The following SYTL5 variants were observed in gnomAD, a reference collection of about 807,000 sequenced individuals.
The protein encoded by SYTL5 is synaptotagmin like 5.
A neutral mutation model predicts 55.9 loss-of-function variants in SYTL5; 34 were observed. The ratio of observed to expected loss-of-function variants is 0.61; its 90% CI spans 0.46 to 0.81. The LOEUF (loss-of-function observed/expected upper bound fraction) is 0.81. SYTL5 is among the 30% of genes least tolerant of loss of function. The pLI, the probability that SYTL5 is intolerant of heterozygous loss-of-function variation, is 0.00. For missense variants in SYTL5, 637 were observed against 546.7 expected (o/e 1.17, Z -1.65); for synonymous variants, 221 against 188.7 (o/e 1.17, Z -1.40).
rs369027550 is a variant in SYTL5, at chrX:38,035,837, G to C, written c.119+1829G>C. Among the ~76,000 whole-genome samples the C allele has an allele frequency of 2.7e-5, 3 of 110,836 alleles. No homozygotes were observed. In the East Asian group the frequency reaches 8.5e-4, roughly 32 times the overall value. ...TTGAACCCCAGAGGTGGAGGTTGCAGTAAGCCAAGATCACGCCACTGCACT... is the reference window on the plus strand; with the variant it reads ...TTGAACCCCAGAGGTGGAGGTTGCACTAAGCCAAGATCACGCCACTGCACT... On this transcript the variant is annotated intron_variant, in intron 2 of 16. Coordinates refer to ENST00000297875, the MANE Select transcript of SYTL5 (RefSeq NM_138780.3).
intron 6 of SYTL5, among the ~76,000 whole-genome samples, chrX:38,081,430 A>AC (rs1936528695): frequency 8.9e-6 from 1 of 111,957 alleles, no homozygotes; most frequent in Non-Finnish European, 1.9e-5. Context: ...CAAAAAAAAA[A>AC]GAACTTTAGC....
At chrX:37,938,926 C>A in the SYTL5 span, among the ~76,000 whole-genome samples, 1 of 111,772 alleles carries the variant, frequency 8.9e-6, no homozygotes, top group Non-Finnish European at 1.9e-5. Flanking sequence ...AATGAGCCTG[C>A]ATTAATACAA....
intron 6 of SYTL5, among the ~76,000 whole-genome samples, chrX:38,077,571 G>T (rs1461257894): frequency 9.1e-6 from 1 of 110,335 alleles, no homozygotes; most frequent in Non-Finnish European, 1.9e-5. Context: ...TTGACTATTG[G>T]GTTATTTTTT....
the SYTL5 span, among the ~76,000 whole-genome samples, chrX:37,932,307 T>A: frequency 9.0e-6 from 1 of 110,751 alleles, no homozygotes; most frequent in Non-Finnish European, 1.9e-5. Flanking sequence ...ACAGGAAATG[T>A]AGGGGTTGGG....
chrX:37,899,754 T>C, the SYTL5 span, among the ~76,000 whole-genome samples: 1 of 111,821 alleles, frequency 8.9e-6, no homozygotes, highest in Admixed American at 9.6e-5. Context: ...GTGAGACCTT[T>C]TTTTAATATA....
At chrX:37,940,629 T>C in the SYTL5 span, among the ~76,000 whole-genome samples, 5 of 107,722 alleles carry the variant, frequency 4.6e-5, no homozygotes, top group East Asian at 2.9e-4. Flanking sequence ...TATATATGTA[T>C]ATAATTTGTG....
the SYTL5 span, among the ~76,000 whole-genome samples, chrX:37,961,479 A>T: frequency 3.7e-5 from 4 of 109,522 alleles, no homozygotes; most frequent in African/African-American, 1.3e-4. Flanking sequence ...ATGTAAAGGG[A>T]TAGTTTATGC....
chrX:37,996,328 T>C, the SYTL5 span, among the ~76,000 whole-genome samples: 1 of 112,117 alleles, frequency 8.9e-6, no homozygotes, highest in Non-Finnish European at 1.9e-5. Context: ...ATCACTGTTA[T>C]TGGGAAGGCA....
At chrX:37,977,682 C>T in the SYTL5 span, among the ~76,000 whole-genome samples, 3 of 95,202 alleles carry the variant, frequency 3.2e-5, no homozygotes, top group African/African-American at 1.2e-4. Context: ...AATTTGATTT[C>T]GGTATGGGGA....
Position 38,120,460 on chromosome X carries a change from C to T in SYTL5, c.1699C>T (p.Leu567Phe), listed in dbSNP as rs774291738. Residue 567 changes from leucine to phenylalanine, a missense_variant, in exon 14 of 17, where the codon CTC becomes TTC. Coordinates refer to ENST00000297875, the MANE Select transcript of SYTL5 (RefSeq NM_138780.3). ...EENLMLPPEQ[L>F]QGNKTFKKGK... Reference sequence around the variant, plus strand: ...GAACCTGATGCTTCCACCAGAACAACTCCAAGGTAGAGTAAAAATCAATGA... The same window carrying T: ...GAACCTGATGCTTCCACCAGAACAATTCCAAGGTAGAGTAAAAATCAATGA... 5.0e-6 allele frequency: 6 copies of T among 1,188,352 alleles called. No individual in the cohort carries two copies. The South Asian group carries it at 7.1e-5, about 14-fold the overall frequency.
chrX:38,050,653 T>C (rs1427341956), intron 2 of SYTL5, among the ~76,000 whole-genome samples: 1 of 111,064 alleles, frequency 9.0e-6, no homozygotes, highest in Admixed American at 9.6e-5. Context: ...AGATTAAGAA[T>C]TAAGTTGTAT....
At chrX:37,947,790 T>G in the SYTL5 span, among the ~76,000 whole-genome samples, 1 of 111,822 alleles carries the variant, frequency 8.9e-6, no homozygotes, top group Non-Finnish European at 1.9e-5. Flanking sequence ...AGTTATTTTT[T>G]TCCATATTCA....
chrX:37,942,440 T>C, the SYTL5 span, among the ~76,000 whole-genome samples: 1 of 111,901 alleles, frequency 8.9e-6, no homozygotes, highest in East Asian at 2.8e-4. Flanking sequence ...CTTTGACTGA[T>C]GAGAAGAGTT....
chrX:37,931,885 T>C, the SYTL5 span, among the ~76,000 whole-genome samples: 1 of 109,328 alleles, frequency 9.1e-6, no homozygotes, highest in South Asian at 3.8e-4. Context: ...TTCTAGTCAG[T>C]GGCTAATAGT....
the SYTL5 span, among the ~76,000 whole-genome samples, chrX:37,955,953 T>C: frequency 2.7e-5 from 3 of 111,886 alleles, no homozygotes; most frequent in East Asian, 2.8e-4. Context: ...CAAGTTGAAA[T>C]TGAACACACC....
intron 1 of SYTL5, among the ~76,000 whole-genome samples, chrX:38,017,494 C>T (rs1220908695): frequency 9.4e-6 from 1 of 106,251 alleles, no homozygotes; most frequent in African/African-American, 3.6e-5. Flanking sequence ...ACTCCCAGTT[C>T]ATTAGACTTA....
chrX:38,085,534 G>A (rs1216947674), intron 6 of SYTL5, among the ~76,000 whole-genome samples: 1 of 111,817 alleles, frequency 8.9e-6, no homozygotes, highest in Non-Finnish European at 1.9e-5. Flanking sequence ...AACCTTCCTT[G>A]GCCATCTTTC....
chrX:38,002,926 A>C (rs370189288), upstream of SYTL5, among the ~76,000 whole-genome samples: 1 of 111,531 alleles, frequency 9.0e-6, no homozygotes, highest in Admixed American at 9.5e-5. Flanking sequence ...GGTGTTTTAG[A>C]CATGAAGTCC....
At chrX:38,113,608 G>A (rs1250664415) in intron 13 of SYTL5, among the ~76,000 whole-genome samples, 2 of 111,295 alleles carry the variant, frequency 1.8e-5, no homozygotes, top group Non-Finnish European at 3.8e-5. Context: ...TTTTGGATAT[G>A]GTTTGAATAA....
Sources: allele counts gnomAD v4.1 joint callset (sites outside exome capture counted in the v4.1 genomes callset), GRCh38; gene constraint gnomAD v4.1.1; transcripts MANE v1.5; gene names NCBI Gene and HGNC (gene_info 2026-07-23, HGNC 2026-07-21).